The following PTPRT variants were observed in gnomAD, a reference collection of about 807,000 sequenced individuals.
The protein encoded by PTPRT is protein tyrosine phosphatase receptor type T.
A neutral mutation model predicts 176.8 loss-of-function variants in PTPRT; 56 were observed. The ratio of observed to expected loss-of-function variants is 0.32; its 90% CI spans 0.26 to 0.40. PTPRT has a LOEUF of 0.40. Among genes scored for constraint, PTPRT ranks in the 10% least tolerant of loss-of-function variants. The pLI, the probability that PTPRT is intolerant of heterozygous loss-of-function variation, is 1.00. For missense variants in PTPRT, 1,540 were observed against 1,908.2 expected (o/e 0.81, Z 3.60); for synonymous variants, 783 against 739.0 (o/e 1.06, Z -0.96).
In PTPRT at chr20:42,282,480, C is replaced by T. The variant is rs746188464; in HGVS notation, c.2176+9G>A. ...ACAGGTGAAGACAGACAAGCAGATG[C>T]CAACATACCTTTTGTAGCCAGACGA... is the stretch of plus-strand genomic sequence containing the variant. On this transcript the variant is annotated intron_variant, in intron 13 of 30. Coordinates refer to ENST00000373187, the MANE Select transcript of PTPRT (RefSeq NM_007050.6). 14 of 1,608,766 alleles carry T rather than the reference C, an allele frequency of 8.7e-6. No individual in the cohort carries two copies. The highest frequency in any genetic ancestry group is 1.2e-5 in the Non-Finnish European group (14 of 1,176,848).
chr20:42,958,435 A>AGG (rs1981796937), intron 1 of PTPRT, among the ~76,000 whole-genome samples: 3 of 93,856 alleles, frequency 3.2e-5, no homozygotes, highest in East Asian at 3.7e-4. Flanking sequence ...GGAGGAAGGG[A>AGG]GGAAGGGTGA....
At chr20:42,099,585 A>G (rs1284369898) in intron 26 of PTPRT, among the ~76,000 whole-genome samples, 2 of 116,604 alleles carry the variant, frequency 1.7e-5, no homozygotes, top group South Asian at 3.1e-4. Flanking sequence ...AGCTTCATCC[A>G]GGGCCCTATT....
chr20:42,720,722 T>C (rs1036248177), intron 6 of PTPRT, among the ~76,000 whole-genome samples: 2 of 152,200 alleles, frequency 1.3e-5, no homozygotes, highest in African/African-American at 4.8e-5. Context: ...GTATGCAGAA[T>C]TGTCCTTCTG....
At chr20:42,214,430 G>T (rs2055719615) in intron 15 of PTPRT, among the ~76,000 whole-genome samples, 2 of 152,122 alleles carry the variant, frequency 1.3e-5, no homozygotes. Context: ...ATAGCTGGTG[G>T]GTCCTTTCCC....
intron 16 of PTPRT, among the ~76,000 whole-genome samples, chr20:42,188,527 T>C (rs1196751833): frequency 2.0e-5 from 3 of 152,038 alleles, no homozygotes; most frequent in Non-Finnish European, 4.4e-5. Context: ...AAATGAGGCA[T>C]AGAAAGTGCT....
At chr20:42,153,696 GC>G (rs1471887755) in intron 17 of PTPRT, among the ~76,000 whole-genome samples, 2 of 151,966 alleles carry the variant, frequency 1.3e-5, no homozygotes, top group Non-Finnish European at 2.9e-5. Context: ...CTCACTTCAG[GC>G]TACAGACTTC....
At position 42,381,814 on chromosome 20, in the gene PTPRT, G is replaced by A. The variant is rs149523115; in HGVS notation, c.1561-29529C>T. 2.8e-3 allele frequency among the ~76,000 whole-genome samples: 433 copies of A among 152,230 alleles called. 3 individuals carry two copies. Among genetic ancestry groups the A allele is most frequent in the African/African-American group, 0.01 (426 of 41,546 alleles). On this transcript the variant is annotated intron_variant, in intron 9 of 30. Transcript: ENST00000373187. ...GGGAAATAATGTTCATCTTTACTGT[G>A]TTCCCTTCTACCTTCAACACAGAAA...
At chr20:43,103,094 G>A (rs147224068) in intron 1 of PTPRT, among the ~76,000 whole-genome samples, 1,692 of 152,042 alleles carry the variant, frequency 0.011, 39 homozygotes, top group African/African-American at 0.039. Flanking sequence ...AACCCAACTC[G>A]TGCCATCTGC....
intron 1 of PTPRT, among the ~76,000 whole-genome samples, chr20:42,956,535 C>A (rs955062155): frequency 6.6e-6 from 1 of 152,136 alleles, no homozygotes; most frequent in Non-Finnish European, 1.5e-5. Flanking sequence ...CAGATGCCAG[C>A]ACCATGCTTT....
intron 1 of PTPRT, among the ~76,000 whole-genome samples, chr20:43,027,301 C>A (rs1032828966): frequency 6.6e-6 from 1 of 152,002 alleles, no homozygotes; most frequent in African/African-American, 2.4e-5. Flanking sequence ...CATGGTGAAA[C>A]CCTGTCTCTA....
rs963465772 is a variant in PTPRT at position 42,643,526 on chromosome 20, A to T, written c.1153+34340T>A. 1.3e-4 allele frequency among the ~76,000 whole-genome samples: 20 copies of T among 151,906 alleles called. 1 individual carries two copies. The highest frequency in any genetic ancestry group is 4.8e-4 in the African/African-American group (20 of 41,294). On this transcript the variant is annotated intron_variant, in intron 7 of 30. Coordinates refer to ENST00000373187, the MANE Select transcript of PTPRT (RefSeq NM_007050.6). ...GAGACAAGGTTTTGCTACGTTGCCC[A>T]TGCTGGTCTCAAGCTCCTGGGCTCA...
chr20:43,127,680 G>A (rs1177005004), intron 1 of PTPRT, among the ~76,000 whole-genome samples: 2 of 152,148 alleles, frequency 1.3e-5, no homozygotes, highest in Admixed American at 6.5e-5. Flanking sequence ...TGGGCCCAGA[G>A]GGATGTTAAA....
intron 7 of PTPRT, among the ~76,000 whole-genome samples, chr20:42,659,100 C>T (rs1440995216): frequency 6.6e-6 from 1 of 151,800 alleles, no homozygotes; most frequent in Non-Finnish European, 1.5e-5. Flanking sequence ...ATATTTTTTT[C>T]ATCATTGCTA....
At chr20:42,968,562 C>T (rs749781009) in intron 1 of PTPRT, among the ~76,000 whole-genome samples, 46 of 152,170 alleles carry the variant, frequency 3.0e-4, no homozygotes, top group Non-Finnish European at 6.6e-4. Context: ...TGAAAATGGG[C>T]TCCATGGGGC....
At chr20:42,639,075 A>G (rs1320715094) in intron 7 of PTPRT, among the ~76,000 whole-genome samples, 1 of 151,550 alleles carries the variant, frequency 6.6e-6, no homozygotes, top group Non-Finnish European at 1.5e-5. Context: ...AATGTCTCCA[A>G]TAGAAGGACA....
intron 1 of PTPRT, among the ~76,000 whole-genome samples, chr20:42,972,820 A>G (rs1982734553): frequency 6.6e-6 from 1 of 152,110 alleles, no homozygotes; most frequent in South Asian, 2.1e-4. Context: ...GGGTTGTCAA[A>G]AATAACTTTC....
rs146719272 is a variant in PTPRT, at chr20:42,677,773, C to T, written c.1153+93G>A. 10,079 of 1,396,538 alleles carry T rather than the reference C, an allele frequency of 7.2e-3. 65 individuals carry two copies. The highest frequency in any genetic ancestry group is 8.7e-3 in the Non-Finnish European group (8,937 of 1,027,012). The allele number at this position is 1,396,538 out of a possible 1,614,324, so 86.5% of individuals were successfully genotyped here. On this transcript the variant is annotated intron_variant, in intron 7 of 30. Transcript: ENST00000373187. The stretch of plus-strand genomic sequence containing the variant: ...AGCACATTCACATTCAAAGAAAATT[C>T]GGAATTATCTGTCACAGGAAGGCAA...
At chr20:42,915,726 G>A (rs1051803323) in intron 1 of PTPRT, among the ~76,000 whole-genome samples, 15 of 151,926 alleles carry the variant, frequency 9.9e-5, no homozygotes, top group Non-Finnish European at 1.2e-4. Flanking sequence ...TGAGTAGCTG[G>A]GACTACAGGA....
At chr20:42,798,740 T>C (rs943914289) in intron 2 of PTPRT, among the ~76,000 whole-genome samples, 1 of 152,180 alleles carries the variant, frequency 6.6e-6, no homozygotes, top group Non-Finnish European at 1.5e-5. Context: ...TAACCATTCA[T>C]TCAGACCGGT....
Sources: gnomAD v4.1 joint callset for allele counts (sites outside exome capture counted in the v4.1 genomes callset) on GRCh38, gnomAD v4.1.1 for gene constraint, MANE v1.5 for transcripts, NCBI Gene and HGNC (gene_info 2026-07-23, HGNC 2026-07-21) for gene names.